The following CEP128 variants were observed in gnomAD, a reference collection of about 807,000 sequenced individuals.
CEP128 encodes the protein centrosomal protein 128, also known as centrosomal protein 128kDa.
CEP128 carries 132 observed loss-of-function variants against 156.7 expected under a neutral mutation model. The observed-to-expected ratio is 0.84, with a 90% CI of 0.73 to 0.97. CEP128 has a LOEUF of 0.97. Ranked by LOEUF, CEP128 falls within the 50% of genes least tolerant of loss-of-function variation. The probability of loss-of-function intolerance (pLI) is 0.00; values close to 1 mark genes in which losing one functional copy is unlikely to be tolerated. For missense variants in CEP128, 1,252 were observed against 1,281.9 expected (o/e 0.98, Z 0.36); for synonymous variants, 469 against 448.9 (o/e 1.04, Z -0.57).
At chr14:80,606,055 T>C (rs1892764168) in intron 19 of CEP128, among the ~76,000 whole-genome samples, 1 of 152,026 alleles carries the variant, frequency 6.6e-6, no homozygotes, top group South Asian at 2.1e-4. Flanking sequence ...TATGTTCCAA[T>C]AGCAAATGGT....
intron 16 of CEP128, among the ~76,000 whole-genome samples, chr14:80,777,546 T>C (rs1171977169): frequency 2.0e-5 from 3 of 152,226 alleles, no homozygotes; most frequent in Admixed American, 6.5e-5. Flanking sequence ...ACTTAAATGA[T>C]GGATAGACAT....
At chr14:80,728,445 T>C (rs960533527) in intron 19 of CEP128, among the ~76,000 whole-genome samples, 1 of 152,066 alleles carries the variant, frequency 6.6e-6, no homozygotes, top group African/African-American at 2.4e-5. Context: ...AAATCATTTG[T>C]ATACTAAACC....
intron 1 of CEP128, among the ~76,000 whole-genome samples, chr14:80,940,609 G>A (rs537143785): frequency 2.0e-4 from 30 of 151,812 alleles, no homozygotes; most frequent in South Asian, 1.2e-3. Flanking sequence ...AACCCAAGAG[G>A]TGGAGGTTGC....
chr14:80,603,154 T>C (rs375742134), intron 19 of CEP128, among the ~76,000 whole-genome samples: 5 of 152,196 alleles, frequency 3.3e-5, no homozygotes, highest in East Asian at 1.9e-4. Context: ...AATGAGACAA[T>C]GGCCTTTCTG....
downstream of CEP128, among the ~76,000 whole-genome samples, chr14:80,485,721 T>C (rs779111609): frequency 3.9e-5 from 6 of 152,184 alleles, no homozygotes; most frequent in East Asian, 1.9e-4. Flanking sequence ...AATAAATGGA[T>C]AGATGATTGA....
intron 19 of CEP128, among the ~76,000 whole-genome samples, chr14:80,718,602 C>T (rs192237035): frequency 7.1e-4 from 108 of 152,304 alleles, no homozygotes; most frequent in African/African-American, 2.5e-3. Context: ...CATTTCCAAA[C>T]TACACAAACT....
chr14:80,810,286 G>T (rs1282414789), intron 13 of CEP128, among the ~76,000 whole-genome samples: 1 of 119,212 alleles, frequency 8.4e-6, no homozygotes. Flanking sequence ...TCGCGCCATT[G>T]CACTCCAGCC....
At chr14:80,783,753 T>C (rs914624926) in intron 15 of CEP128, among the ~76,000 whole-genome samples, 1 of 152,208 alleles carries the variant, frequency 6.6e-6, no homozygotes, top group African/African-American at 2.4e-5. Context: ...AGCATTATGA[T>C]GGTTTCATAG....
chr14:80,873,572 TGACA>T (rs1252409720), intron 8 of CEP128, among the ~76,000 whole-genome samples: 8 of 152,178 alleles, frequency 5.3e-5, no homozygotes, highest in African/African-American at 1.7e-4. Context: ...AAAAACAGCA[TGACA>T]GTACAGCTGG....
intron 23 of CEP128, among the ~76,000 whole-genome samples, chr14:80,522,225 A>G (rs1271590655): frequency 5.9e-5 from 9 of 152,252 alleles, no homozygotes; most frequent in Non-Finnish European, 1.2e-4. Flanking sequence ...TTTAGAAGCT[A>G]CTGTTGTAGA....
At chr14:80,714,299 AACACACACACATAC>A (rs924771364) in intron 19 of CEP128, among the ~76,000 whole-genome samples, 33 of 152,012 alleles carry the variant, frequency 2.2e-4, no homozygotes, top group East Asian at 3.9e-4. Context: ...TTCAAGGCAA[AACACACACACATAC>A]ACACACACAC....
chr14:80,502,777 G>C (rs745573373), intron 24 of CEP128, among the ~76,000 whole-genome samples: 4 of 151,890 alleles, frequency 2.6e-5, no homozygotes, highest in Non-Finnish European at 4.4e-5. Context: ...CTCTTTGTTG[G>C]TCTCATCTCT....
intron 19 of CEP128, among the ~76,000 whole-genome samples, chr14:80,618,416 G>T (rs1243185924): frequency 2.0e-5 from 3 of 152,166 alleles, no homozygotes; most frequent in Non-Finnish European, 4.4e-5. Context: ...AGGCCTTCTG[G>T]CAAGAAGATG....
At chr14:80,563,426 T>C (rs893730982) in intron 20 of CEP128, among the ~76,000 whole-genome samples, 6 of 151,730 alleles carry the variant, frequency 4.0e-5, no homozygotes, top group African/African-American at 1.2e-4. Context: ...ACATTCTCCC[T>C]AGGAAAATGT....
chr14:80,566,079 T>C (rs1468448301), intron 20 of CEP128, among the ~76,000 whole-genome samples: 1 of 152,090 alleles, frequency 6.6e-6, no homozygotes, highest in African/African-American at 2.4e-5. Flanking sequence ...ACATATACTT[T>C]TCAAAAAGAA....
chr14:80,673,990 A>G (rs920318815), intron 19 of CEP128, among the ~76,000 whole-genome samples: 1 of 152,146 alleles, frequency 6.6e-6, no homozygotes, highest in Non-Finnish European at 1.5e-5. Context: ...ACAAAAAGAA[A>G]TAGGCTTCTG....
chr14:80,538,706 A>C (rs1374069834), intron 21 of CEP128, among the ~76,000 whole-genome samples: 1 of 152,270 alleles, frequency 6.6e-6, no homozygotes, highest in East Asian at 1.9e-4. Context: ...ACTCCACTTC[A>C]TTATTTTTTT....
chr14:80,781,561 T>C (rs1456613584), intron 15 of CEP128, among the ~76,000 whole-genome samples: 1 of 151,674 alleles, frequency 6.6e-6, no homozygotes, highest in Admixed American at 6.6e-5. Context: ...AGTAAATAAT[T>C]AACGAAGGTT....
chr14:80,604,317 A>T (rs1892694949), intron 19 of CEP128, among the ~76,000 whole-genome samples: 3 of 152,166 alleles, frequency 2.0e-5, no homozygotes, highest in Admixed American at 2.0e-4. Flanking sequence ...TATTCTAGGG[A>T]TATGCCTGAG....
Sources: allele counts gnomAD v4.1 joint callset (sites outside exome capture counted in the v4.1 genomes callset), GRCh38; gene constraint gnomAD v4.1.1; transcripts MANE v1.5; gene names NCBI Gene and HGNC (gene_info 2026-07-23, HGNC 2026-07-21).